NEGR1: variants seen among roughly 807,000 people sequenced by gnomAD.
NEGR1 encodes neuronal growth regulator 1, also known as IgLON family member 4.
In NEGR1, 10 loss-of-function variants were observed where a neutral mutation model predicts 40.9. The ratio of observed to expected loss-of-function variants is 0.24; its 90% CI spans 0.15 to 0.42. The LOEUF is 0.42. NEGR1 is among the 10% of genes least tolerant of loss of function. The probability of loss-of-function intolerance (pLI) is 1.00; values close to 1 mark genes in which losing one functional copy is unlikely to be tolerated. For missense variants in NEGR1, 352 were observed against 438.9 expected, an observed-to-expected ratio of 0.80 and a Z score of 1.77; for synonymous variants, 185 against 166.8, an observed-to-expected ratio of 1.11 and a Z score of -0.84.
intron 2 of NEGR1, among the ~76,000 whole-genome samples, chr1:71,927,851 A>AAAAAAAAG (rs1557437874): frequency 4.0e-5 from 5 of 125,380 alleles, no homozygotes; most frequent in African/African-American, 1.6e-4. Context: ...AAAAAAAAAA[A>AAAAAAAAG]GCCAGGCAGA....
At position 71,895,202 on chromosome 1, in the gene NEGR1, C is replaced by A. The variant is rs527471421; in HGVS notation, c.409+39877G>T. 2.6e-5 allele frequency among the ~76,000 whole-genome samples: 4 copies of A among 152,200 alleles called. No individual in the cohort carries two copies. The South Asian group carries it at 8.3e-4, about 32-fold the overall frequency. On this transcript the variant is annotated intron_variant, in intron 2 of 6. Transcript: ENST00000357731. ...AAGTTTTTGTCATTTTTGTCATTAT[C>A]ATTATCATCTAACCTTAGTGAGTGC...
At chr1:71,795,977 T>C (rs1359602781) in intron 2 of NEGR1, among the ~76,000 whole-genome samples, 2 of 152,176 alleles carry the variant, frequency 1.3e-5, no homozygotes, top group South Asian at 2.1e-4. Context: ...AGAGAAGTGG[T>C]GCATTTCTGG....
intron 2 of NEGR1, among the ~76,000 whole-genome samples, chr1:71,801,574 C>G (rs1208357019): frequency 1.3e-5 from 2 of 152,128 alleles, no homozygotes; most frequent in African/African-American, 4.8e-5. Flanking sequence ...CCAATTTGCT[C>G]AAACCAAAAT....
intron 2 of NEGR1, among the ~76,000 whole-genome samples, chr1:71,805,285 T>TTG (rs1657720016): frequency 6.6e-6 from 1 of 152,192 alleles, no homozygotes; most frequent in Admixed American, 6.5e-5. Flanking sequence ...TCTTATTACC[T>TTG]TGTGAAGCAT....
intron 2 of NEGR1, among the ~76,000 whole-genome samples, chr1:71,909,181 C>A (rs1490915885): frequency 6.6e-6 from 1 of 152,114 alleles, no homozygotes; most frequent in African/African-American, 2.4e-5. Context: ...ATGCAATTGT[C>A]TATTTACAGA....
intron 6 of NEGR1, among the ~76,000 whole-genome samples, chr1:71,530,748 C>T (rs1263923590): frequency 1.3e-5 from 2 of 151,278 alleles, no homozygotes; most frequent in Non-Finnish European, 3.0e-5. Context: ...AATTCTGGGA[C>T]ATAATGGCTG....
At chr1:71,765,331 A>C (rs191320732) in intron 3 of NEGR1, among the ~76,000 whole-genome samples, 1 of 152,260 alleles carries the variant, frequency 6.6e-6, no homozygotes, top group African/African-American at 2.4e-5. Flanking sequence ...ACATCTCAAC[A>C]ACTTTTTGCA....
At chr1:71,781,353 T>A (rs770577927) in intron 2 of NEGR1, among the ~76,000 whole-genome samples, 1 of 152,168 alleles carries the variant, frequency 6.6e-6, no homozygotes, top group Non-Finnish European at 1.5e-5. Flanking sequence ...TGAGGTCAGG[T>A]CACACATGAT....
At chr1:71,987,124 C>T (rs1181316492) in intron 1 of NEGR1, among the ~76,000 whole-genome samples, 1 of 152,066 alleles carries the variant, frequency 6.6e-6, no homozygotes, top group East Asian at 1.9e-4. Context: ...AACCCGTCTA[C>T]TTTTTCAACA....
chr1:71,942,992 ATATATGTGTGTG>A (rs1209639392), intron 1 of NEGR1, among the ~76,000 whole-genome samples: 7 of 142,420 alleles, frequency 4.9e-5, no homozygotes, highest in Non-Finnish European at 6.1e-5. Flanking sequence ...ATATGTGTAT[ATATATGTGTGTG>A]TATATATATA....
chr1:71,678,586 T>C (rs557224827), intron 4 of NEGR1, among the ~76,000 whole-genome samples: 2 of 152,218 alleles, frequency 1.3e-5, no homozygotes, highest in East Asian at 1.9e-4. Context: ...TACACCAAAG[T>C]ATTCAGTTGT....
intron 1 of NEGR1, among the ~76,000 whole-genome samples, chr1:71,947,583 C>A (rs748962483): frequency 6.6e-6 from 1 of 152,110 alleles, no homozygotes; most frequent in Non-Finnish European, 1.5e-5. Context: ...AATTTAGCAA[C>A]CTCTAGATAT....
At chr1:71,513,872 G>A (rs28512373) in intron 6 of NEGR1, among the ~76,000 whole-genome samples, 5,385 of 148,300 alleles carry the variant, frequency 0.036, 249 homozygotes, top group African/African-American at 0.13. Context: ...TGTGCGCACC[G>A]TGCGCGAGCC....
intron 2 of NEGR1, among the ~76,000 whole-genome samples, chr1:71,898,290 G>A (rs1192823673): frequency 5.9e-5 from 9 of 151,830 alleles, no homozygotes; most frequent in Admixed American, 5.9e-4. Flanking sequence ...TCTAAGAAAC[G>A]CTCATCCCAT....
intron 3 of NEGR1, among the ~76,000 whole-genome samples, chr1:71,705,672 A>C (rs1409407614): frequency 6.6e-6 from 1 of 152,128 alleles, no homozygotes; most frequent in African/African-American, 2.4e-5. Context: ...ACGAGCTGAG[A>C]TCGCGCCACT....
chr1:71,450,241 A>G (rs1474705808), intron 6 of NEGR1, among the ~76,000 whole-genome samples: 3 of 151,986 alleles, frequency 2.0e-5, no homozygotes, highest in Middle Eastern at 3.4e-3. Context: ...CACCCGCCAC[A>G]GCCTCCCAAA....
chr1:72,204,444 A>C (rs1445975051), intron 1 of NEGR1, among the ~76,000 whole-genome samples: 1 of 152,104 alleles, frequency 6.6e-6, no homozygotes, highest in African/African-American at 2.4e-5. Context: ...CAGCCATTTC[A>C]GTCAATAGTC....
chr1:71,564,040 A>G lies in NEGR1; in HGVS notation c.940+28777T>C, dbSNP rs1402930769. 2.2e-4 allele frequency among the ~76,000 whole-genome samples: 33 copies of G among 152,058 alleles called. 1 individual carries two copies. The highest frequency in any genetic ancestry group is 1.5e-5 in the Non-Finnish European group (1 of 67,990). On this transcript the variant is annotated intron_variant, in intron 6 of 6. Transcript: ENST00000357731. ...GCTTGGAAATGGAAGGAAAAAGGCC[A>G]AAGGTATTCTACATTTTTATCAAAT...
At chr1:71,489,169 T>C (rs936457887) in intron 6 of NEGR1, among the ~76,000 whole-genome samples, 2 of 151,814 alleles carry the variant, frequency 1.3e-5, no homozygotes, top group African/African-American at 4.8e-5. Flanking sequence ...ATTCCCTTTC[T>C]CTGTCTCAGG....
Sources: allele counts gnomAD v4.1 joint callset (sites outside exome capture counted in the v4.1 genomes callset), GRCh38; gene constraint gnomAD v4.1.1; transcripts MANE v1.5; gene names NCBI Gene and HGNC (gene_info 2026-07-23, HGNC 2026-07-21).